The following NBAS variants were observed in gnomAD, a reference collection of about 807,000 sequenced individuals.
NBAS encodes the protein NAG/BC035112 fusion.
A neutral mutation model predicts 302.5 loss-of-function variants in NBAS; 219 were observed. The observed-to-expected ratio is 0.72, with a 90% CI of 0.65 to 0.81. NBAS has a LOEUF of 0.81. Ranked by LOEUF, NBAS falls within the 30% of genes least tolerant of loss-of-function variation. NBAS has a pLI of 0.00. For synonymous variants in NBAS, 1,118 were observed against 1,021.6 expected (o/e 1.09, Z -1.80); for missense variants, 2,932 against 2,841.6 (o/e 1.03, Z -0.72).
chr2:15,383,728 T>C (rs1675155503), intron 28 of NBAS, among the ~76,000 whole-genome samples: 1 of 152,224 alleles, frequency 6.6e-6, no homozygotes, highest in Admixed American at 6.5e-5. Context: ...CAGCAATCCC[T>C]GTCAAGGAGT....
chr2:14,813,421 T>C, the NBAS span, among the ~76,000 whole-genome samples: 1 of 152,154 alleles, frequency 6.6e-6, no homozygotes, highest in Non-Finnish European at 1.5e-5. Context: ...TATTGGGAAC[T>C]GGAATAAAAA....
chr2:14,801,099 T>C, the NBAS span, among the ~76,000 whole-genome samples: 4 of 152,138 alleles, frequency 2.6e-5, no homozygotes, highest in African/African-American at 7.2e-5. Flanking sequence ...TCTACTGTCA[T>C]CCTTTAACCA....
At chr2:15,211,651 G>A (rs1418864747) in intron 48 of NBAS, among the ~76,000 whole-genome samples, 2 of 152,136 alleles carry the variant, frequency 1.3e-5, no homozygotes, top group African/African-American at 4.8e-5. Flanking sequence ...TGTGCAACAT[G>A]TTAACTAAAG....
chr2:15,383,247 A>T lies in NBAS; in HGVS notation c.3328T>A (p.Tyr1110Asn). The T allele has an allele frequency of 1.2e-6, 2 of 1,614,010 alleles. No individual in the cohort carries two copies. The highest frequency in any genetic ancestry group is 1.7e-6 in the Non-Finnish European group (2 of 1,179,916). The stretch of plus-strand genomic sequence containing the variant: ...CAGGCATCAGAATCTAGACATGTGT[A>T]TACATTCTGCTGCATAGTTAACATG... ...QDMLTMQQNV[Y>N]TCLDSDACYE... The change falls in exon 29 of 52, where the codon TAC becomes AAC. Residue 1110 changes from tyrosine (Y) to asparagine (N), a missense_variant. Physicochemically the swap from Tyr to Asn is moderately radical, Grantham distance 143. Transcript: ENST00000281513.
chr2:15,358,623 T>C (rs547528849), intron 32 of NBAS, among the ~76,000 whole-genome samples: 1 of 152,240 alleles, frequency 6.6e-6, no homozygotes, highest in East Asian at 1.9e-4. Context: ...TTTTTTATTT[T>C]TTGTACAAAC....
the NBAS span, among the ~76,000 whole-genome samples, chr2:14,906,811 AT>A: frequency 6.6e-6 from 1 of 152,014 alleles, no homozygotes; most frequent in Non-Finnish European, 1.5e-5. Context: ...GCACAAAATA[AT>A]TTTTTTCTGC....
the NBAS span, among the ~76,000 whole-genome samples, chr2:15,150,059 C>G: frequency 3.7e-3 from 524 of 141,198 alleles, 2 homozygotes; most frequent in Middle Eastern, 0.014. Flanking sequence ...CCTGGGCAAC[C>G]CTGTCTCAAA....
At chr2:15,181,656 G>A (rs1437744003) in intron 50 of NBAS, among the ~76,000 whole-genome samples, 1 of 152,166 alleles carries the variant, frequency 6.6e-6, no homozygotes, top group Non-Finnish European at 1.5e-5. Flanking sequence ...GGACTAGGTG[G>A]GCCCAGGCTT....
chr2:15,327,096 G>GGA (rs1672106245), intron 38 of NBAS, among the ~76,000 whole-genome samples: 1 of 151,992 alleles, frequency 6.6e-6, no homozygotes, highest in Non-Finnish European at 1.5e-5. Context: ...GCTGTGGATA[G>GGA]GACTTTCAAG....
intron 35 of NBAS, among the ~76,000 whole-genome samples, chr2:15,333,487 C>A: frequency 6.6e-6 from 1 of 152,112 alleles, no homozygotes; most frequent in Non-Finnish European, 1.5e-5. Context: ...TAACATTATT[C>A]CAGGAGCAAG....
chr2:14,918,135 G>A, the NBAS span, among the ~76,000 whole-genome samples: 1 of 151,986 alleles, frequency 6.6e-6, no homozygotes, highest in African/African-American at 2.4e-5. Context: ...TTTCAACCCT[G>A]TTATCTATCC....
the NBAS span, among the ~76,000 whole-genome samples, chr2:14,921,909 C>T: frequency 6.6e-6 from 1 of 152,188 alleles, no homozygotes; most frequent in Non-Finnish European, 1.5e-5. Context: ...CCAGCAAAAT[C>T]CATCCCCACA....
intron 12 of NBAS, among the ~76,000 whole-genome samples, chr2:15,486,021 C>T (rs1375150717): frequency 1.3e-5 from 2 of 152,180 alleles, no homozygotes; most frequent in South Asian, 2.1e-4. Context: ...CTGCCCTATC[C>T]AGCTAGTCCA....
At chr2:15,497,448 A>T (rs1434097166) in intron 11 of NBAS, among the ~76,000 whole-genome samples, 4 of 152,202 alleles carry the variant, frequency 2.6e-5, no homozygotes, top group Admixed American at 2.0e-4. Context: ...ATTAGATTAG[A>T]TGGGGGGATG....
At chr2:15,033,305 C>T in the NBAS span, among the ~76,000 whole-genome samples, 1 of 152,188 alleles carries the variant, frequency 6.6e-6, no homozygotes, top group African/African-American at 2.4e-5. Flanking sequence ...AAGCAAATTA[C>T]TTGTTTTGTT....
intron 30 of NBAS, 102 bp from the exon 31 acceptor site, chr2:15,374,822 A>C: frequency 1.0e-6 from 1 of 989,488 alleles, no homozygotes. Context: ...AATCTACCAC[A>C]TCCCAGGAAT....
chr2:14,916,851 A>G, the NBAS span, among the ~76,000 whole-genome samples: 3 of 152,164 alleles, frequency 2.0e-5, no homozygotes. Flanking sequence ...CACATGCACA[A>G]TGTTTGTTCT....
At chr2:15,055,520 G>T in the NBAS span, among the ~76,000 whole-genome samples, 1 of 152,174 alleles carries the variant, frequency 6.6e-6, no homozygotes, top group Admixed American at 6.5e-5. Flanking sequence ...GGGGCTGGAA[G>T]AGCTGCAGTG....
chr2:15,274,390 A>G (rs907702647), intron 44 of NBAS, among the ~76,000 whole-genome samples: 11 of 152,336 alleles, frequency 7.2e-5, no homozygotes, highest in South Asian at 2.1e-4. Context: ...TACTGGGCAG[A>G]CCTGGTGACT....
Sources: gnomAD v4.1 joint callset for allele counts (sites outside exome capture counted in the v4.1 genomes callset) on GRCh38, gnomAD v4.1.1 for gene constraint, MANE v1.5 for transcripts, NCBI Gene and HGNC (gene_info 2026-07-23, HGNC 2026-07-21) for gene names.